Variants in RFX2 observed in about 807,000 individuals in gnomAD.
The protein encoded by RFX2 is regulatory factor X2, also known as DNA-binding protein RFX2.
Under a neutral mutation model 87.8 loss-of-function variants are expected in RFX2, and 20 were observed. The ratio of observed to expected loss-of-function variants is 0.23; its 90% confidence interval spans 0.16 to 0.33. The LOEUF is 0.33. RFX2 is among the 10% of genes least tolerant of loss of function. The probability of loss-of-function intolerance (pLI) is 1.00; values close to 1 mark genes in which losing one functional copy is unlikely to be tolerated. For missense variants in RFX2, 767 were observed against 1,012.3 expected, an observed-to-expected ratio of 0.76 and a Z score of 3.29; for synonymous variants, 397 against 431.3, an observed-to-expected ratio of 0.92 and a Z score of 0.98.
At chr19:6,015,611 C>T (rs2086715451) in intron 7 of RFX2, among the ~76,000 whole-genome samples, 1 of 152,000 alleles carries the variant, frequency 6.6e-6, no homozygotes, top group Non-Finnish European at 1.5e-5. Flanking sequence ...CTCTCAGTCT[C>T]CCAAATAGGT....
intron 1 of RFX2, among the ~76,000 whole-genome samples, chr19:6,075,483 G>A (rs770783122): frequency 3.9e-5 from 6 of 152,238 alleles, no homozygotes; most frequent in East Asian, 1.9e-4. Context: ...AAAGACTTAC[G>A]TGATAGCAGT....
chr19:5,996,734 G>A (rs1013073152), intron 16 of RFX2, among the ~76,000 whole-genome samples: 2 of 152,244 alleles, frequency 1.3e-5, no homozygotes, highest in African/African-American at 4.8e-5. Flanking sequence ...TCTGGGTGGT[G>A]TGTCCGAGGC....
At chr19:6,080,491 A>G (rs1464503680) in intron 1 of RFX2, among the ~76,000 whole-genome samples, 1 of 152,170 alleles carries the variant, frequency 6.6e-6, no homozygotes, top group Non-Finnish European at 1.5e-5. Flanking sequence ...AAGGTTGTTC[A>G]GTAGAGATCC....
intron 1 of RFX2, among the ~76,000 whole-genome samples, chr19:6,100,010 G>T (rs907113977): frequency 2.0e-5 from 3 of 152,200 alleles, no homozygotes; most frequent in African/African-American, 7.2e-5. Context: ...GGCCCCAAAT[G>T]TCAATAGTGC....
At chr19:6,059,037 T>A (rs1467244989) in intron 1 of RFX2, among the ~76,000 whole-genome samples, 1 of 151,982 alleles carries the variant, frequency 6.6e-6, no homozygotes, top group Non-Finnish European at 1.5e-5. Flanking sequence ...TAGAGTGCAG[T>A]GATGCGATCA....
In RFX2 at chr19:6,047,631, C is replaced by T. The variant is rs2087212818; in HGVS notation, c.-8-127G>A. 1 of 753,386 alleles carries T rather than the reference C, an allele frequency of 1.3e-6. No individual in the cohort carries two copies. The highest frequency in any genetic ancestry group is 2.4e-5 in the Admixed American group (1 of 41,558). 46.7% of individuals were successfully genotyped at this position (753,386 alleles called of 1,614,324 possible). Reference sequence around the variant, plus strand: ...ATTCTTCAAAGTCGAAAGGCAGAGACCCTGGTGGTACTGCCTAAGTGAGGA... The same window carrying T: ...ATTCTTCAAAGTCGAAAGGCAGAGATCCTGGTGGTACTGCCTAAGTGAGGA... On this transcript the variant is annotated intron_variant, in intron 1 of 17. Transcript: ENST00000303657. This position sits in a 1 kb window ranked among gnomAD's most constrained non-coding sequence, Gnocchi z 4.2.
rs1037350813 is a variant in RFX2, at chr19:6,002,834, G to A, written c.1537C>T (p.Arg513Cys). 5 of 1,612,402 alleles carry A rather than the reference G, an allele frequency of 3.1e-6. No individual in the cohort carries two copies. The highest frequency in any genetic ancestry group is 4.2e-6 in the Non-Finnish European group (5 of 1,179,654). Residue 513 changes from arginine (R) to cysteine (C), a missense_variant, in exon 14 of 18, where the codon CGC becomes TGC. By Grantham distance (180) the Arg-to-Cys change is radical (BLOSUM62 -3). Coordinates refer to ENST00000303657, the MANE Select transcript of RFX2 (RefSeq NM_000635.4). This position sits in a 1 kb window ranked among gnomAD's most constrained non-coding sequence, Gnocchi z 6.7. ...VVSAFAQTLR[R>C]YTSLNHLAQA... ...GCCAGGTGGTTGAGGGACGTGTAGC[G>A]CCGCAGCGTCTGGGCGAAGGCACTG... is the stretch of plus-strand genomic sequence containing the variant.
In RFX2 at chr19:6,002,324, GTTTA is replaced by G; in HGVS notation, c.1651-305_1651-302del. 6.6e-6 allele frequency among the ~76,000 whole-genome samples: 1 copy of G among 152,352 alleles called. No individual in the cohort carries two copies. Among genetic ancestry groups the G allele is most frequent in the Middle Eastern group, 3.4e-3 (1 of 294 alleles). On this transcript the variant is annotated intron_variant, in intron 14 of 17. Transcript: ENST00000303657. This position sits in a 1 kb window ranked among gnomAD's most constrained non-coding sequence, Gnocchi z 6.7. ...GTCACTTCTAAATGTATGTGTGTGCGTTTATTTATTTAATGGATAGACGCAGGGC... is the reference window on the plus strand; with the variant it reads ...GTCACTTCTAAATGTATGTGTGTGCGTTTATTTAATGGATAGACGCAGGGC...
At chr19:6,107,275 G>C (rs954470189) in intron 1 of RFX2, among the ~76,000 whole-genome samples, 1 of 151,564 alleles carries the variant, frequency 6.6e-6, no homozygotes, top group Non-Finnish European at 1.5e-5. Flanking sequence ...CAGCCTGGGA[G>C]ACAGAGCAAG....
At chr19:6,091,942 G>C (rs1384211061) in intron 1 of RFX2, among the ~76,000 whole-genome samples, 1 of 152,208 alleles carries the variant, frequency 6.6e-6, no homozygotes, top group Non-Finnish European at 1.5e-5. Flanking sequence ...TAGACTTTCT[G>C]GGCCAAGCCC....
chr19:6,093,209 T>A (rs1473979285), intron 1 of RFX2, among the ~76,000 whole-genome samples: 1 of 152,096 alleles, frequency 6.6e-6, no homozygotes, highest in African/African-American at 2.4e-5. Flanking sequence ...GCATTGGCGG[T>A]AAAGTGGAAG....
chr19:6,018,090 C>T (rs1265913478), intron 6 of RFX2, among the ~76,000 whole-genome samples: 2 of 152,122 alleles, frequency 1.3e-5, no homozygotes, highest in Non-Finnish European at 2.9e-5. Context: ...ATTCTTCTGC[C>T]TCAGCCTCCT....
intron 6 of RFX2, among the ~76,000 whole-genome samples, chr19:6,018,535 G>A (rs476596): frequency 0.058 from 8,755 of 152,252 alleles, 821 homozygotes; most frequent in African/African-American, 0.2. Context: ...CTCTTAAGCC[G>A]AATTGCAGGT....
At chr19:6,073,471 C>A in intron 1 of RFX2, 1 of 852,222 alleles carries the variant, frequency 1.2e-6, no homozygotes. Flanking sequence ...GAAAGGGCCG[C>A]CCAGCTGCCG....
At chr19:6,066,252 G>A (rs2144820185) in intron 1 of RFX2, among the ~76,000 whole-genome samples, 1 of 152,288 alleles carries the variant, frequency 6.6e-6, no homozygotes, top group African/African-American at 2.4e-5. Flanking sequence ...AGGGCCACGG[G>A]TGGACCCAAC....
Position 6,013,213 on chromosome 19 carries a change from T to A in RFX2, c.780-108A>T. 8.5e-7 allele frequency: 1 copy of A among 1,176,950 alleles called. No individual in the cohort carries two copies. The highest frequency in any genetic ancestry group is 1.1e-6 in the Non-Finnish European group (1 of 869,634). 72.9% of individuals were successfully genotyped at this position (1,176,950 alleles called of 1,614,324 possible). On this transcript the variant is annotated intron_variant, in intron 7 of 17. Transcript: ENST00000303657. The surrounding 1 kb of genome is among the most constrained non-coding windows in gnomAD (Gnocchi z 4.1). ...CTTCTTTTTTTTTTTTGAGACAGAA[T>A]CTCATTCTGTCGCCCAGGCTGGAGT... is the stretch of plus-strand genomic sequence containing the variant.
At chr19:6,003,647 CGG>C (rs2086526332) in intron 13 of RFX2, among the ~76,000 whole-genome samples, 1 of 151,764 alleles carries the variant, frequency 6.6e-6, no homozygotes, top group Non-Finnish European at 1.5e-5. Context: ...GGTGTGGTGG[CGG>C]GCACCTGTAA....
chr19:6,009,727 G>A (rs1415584141), intron 9 of RFX2, among the ~76,000 whole-genome samples: 1 of 152,142 alleles, frequency 6.6e-6, no homozygotes, highest in African/African-American at 2.4e-5. Flanking sequence ...GACCACAGGA[G>A]CTTGCTACTA....
At chr19:6,009,040 C>T (rs2086626706) in intron 9 of RFX2, among the ~76,000 whole-genome samples, 1 of 152,096 alleles carries the variant, frequency 6.6e-6, no homozygotes, top group South Asian at 2.1e-4. Flanking sequence ...ATATTGTCAC[C>T]TCCCAGGAAC....
Sources: allele counts gnomAD v4.1 joint callset (sites outside exome capture counted in the v4.1 genomes callset), GRCh38; gene constraint gnomAD v4.1.1; non-coding constraint Gnocchi (gnomAD v3.1); transcripts MANE v1.5; gene names NCBI Gene and HGNC (gene_info 2026-07-23, HGNC 2026-07-21).